VPS13B: variants seen among roughly 807,000 people sequenced by gnomAD.
The protein encoded by VPS13B is intermembrane lipid transfer protein VPS13B.
Under a neutral mutation model 426.4 loss-of-function variants are expected in VPS13B, and 285 were observed. That is an observed-to-expected ratio of 0.67 (90% confidence interval 0.61 to 0.74). VPS13B has a LOEUF of 0.74. Ranked by LOEUF, VPS13B falls within the 30% of genes least tolerant of loss-of-function variation. VPS13B has a pLI of 0.00. For missense variants in VPS13B, 4,537 were observed against 4,782.6 expected (o/e 0.95, Z 1.51); for synonymous variants, 1,676 against 1,676.4 (o/e 1.00, Z 0.01).
chr8:99,591,284 A>G (rs553172117), intron 33 of VPS13B, among the ~76,000 whole-genome samples: 2 of 149,108 alleles, frequency 1.3e-5, no homozygotes, highest in Non-Finnish European at 3.0e-5. Flanking sequence ...CAGCACATTG[A>G]CGGGTCTTGA....
At chr8:99,626,000 C>T (rs960040403) in intron 33 of VPS13B, among the ~76,000 whole-genome samples, 4 of 152,040 alleles carry the variant, frequency 2.6e-5, no homozygotes, top group African/African-American at 9.7e-5. Flanking sequence ...TAGAGGAAAC[C>T]ACATACCGTA....
chr8:99,265,417 G>A (rs1382222765), intron 17 of VPS13B, among the ~76,000 whole-genome samples: 1 of 152,050 alleles, frequency 6.6e-6, no homozygotes, highest in African/African-American at 2.4e-5. Context: ...TCCTTCTTGA[G>A]GTTTCTAAGC....
intron 39 of VPS13B, among the ~76,000 whole-genome samples, chr8:99,749,676 T>C (rs1003642059): frequency 4.6e-5 from 7 of 152,186 alleles, no homozygotes; most frequent in Non-Finnish European, 7.4e-5. Flanking sequence ...AAATCTTGGC[T>C]ATTGTAAATA....
In VPS13B at chr8:99,624,018, T is replaced by A. The variant is rs1298886806; in HGVS notation, c.5221-17793T>A. Among the ~76,000 whole-genome samples the A allele has an allele frequency of 9.5e-3, 1,328 of 139,680 alleles. 9 individuals carry two copies. The highest frequency in any genetic ancestry group is 0.013 in the Non-Finnish European group (807 of 64,318). 91.6% of individuals were successfully genotyped at this position (139,680 alleles called of 152,430 possible). A position where few individuals can be genotyped will look rare whatever the true frequency, so the allele number is the denominator to read the frequency against. ...ACATATATATATATATTTTTTTTTT[T>A]TTTTTTTTTTTTTTCTGTGTGAACC... On this transcript the variant is annotated intron_variant, in intron 33 of 61. Transcript: ENST00000357162.
intron 8 of VPS13B, chr8:99,121,706 A>G (rs1847943359): frequency 2.3e-6 from 2 of 882,330 alleles, no homozygotes; most frequent in Non-Finnish European, 3.1e-6. Flanking sequence ...TGAATCATTC[A>G]GTTGGTGTAC....
chr8:99,446,406 T>C (rs1817923555), intron 23 of VPS13B, among the ~76,000 whole-genome samples: 2 of 152,178 alleles, frequency 1.3e-5, no homozygotes, highest in Admixed American at 1.3e-4. Context: ...CTCTGGGTTC[T>C]TTAAGGATCT....
intron 41 of VPS13B, 115 bp from the exon 42 acceptor site, chr8:99,778,567 C>G (rs1811856526): frequency 1.1e-6 from 1 of 946,252 alleles, no homozygotes; most frequent in African/African-American, 1.6e-5. Flanking sequence ...TATTAAACAC[C>G]AAAAACTAAT....
At chr8:99,695,633 G>T (rs1831940119) in intron 35 of VPS13B, among the ~76,000 whole-genome samples, 1 of 144,708 alleles carries the variant, frequency 6.9e-6, no homozygotes, top group Admixed American at 6.9e-5. Context: ...CACCAGCATG[G>T]CACATGTATA....
intron 21 of VPS13B, among the ~76,000 whole-genome samples, chr8:99,430,702 A>ACCCCC (rs796824615): frequency 1.6e-5 from 2 of 124,958 alleles, no homozygotes; most frequent in African/African-American, 2.9e-5. Flanking sequence ...ATCAAAATCC[A>ACCCCC]CCCCCCCCCC....
intron 22 of VPS13B, among the ~76,000 whole-genome samples, chr8:99,441,344 G>A (rs1394896368): frequency 1.3e-5 from 2 of 152,038 alleles, no homozygotes; most frequent in Non-Finnish European, 2.9e-5. Context: ...AGGCCCAAGA[G>A]AAGAGATGTT....
At chr8:99,596,966 G>A (rs1360544201) in intron 33 of VPS13B, among the ~76,000 whole-genome samples, 1 of 151,954 alleles carries the variant, frequency 6.6e-6, no homozygotes, top group African/African-American at 2.4e-5. Flanking sequence ...AGCAGCTTTG[G>A]TTCTTCCTCA....
At chr8:99,610,117 A>C (rs1827778085) in intron 33 of VPS13B, among the ~76,000 whole-genome samples, 1 of 152,174 alleles carries the variant, frequency 6.6e-6, no homozygotes, top group Admixed American at 6.5e-5. Flanking sequence ...TGTCATTTTG[A>C]GTAGAAACAA....
intron 19 of VPS13B, among the ~76,000 whole-genome samples, chr8:99,282,104 T>C (rs1819201934): frequency 6.6e-6 from 1 of 152,170 alleles, no homozygotes. Context: ...TGGCACTATT[T>C]CCCTCTTAAT....
chr8:99,678,496 G>A (rs1831031365), intron 35 of VPS13B, among the ~76,000 whole-genome samples: 1 of 150,882 alleles, frequency 6.6e-6, no homozygotes, highest in Non-Finnish European at 1.5e-5. Context: ...ACTCTCCTCA[G>A]CCCCCAACCC....
At chr8:99,793,284 T>TATATATATATATATATATATATATAA (rs1282918685) in intron 43 of VPS13B, among the ~76,000 whole-genome samples, 2 of 142,538 alleles carry the variant, frequency 1.4e-5, no homozygotes, top group Non-Finnish European at 3.0e-5. Context: ...TATATATATA[T>TATATATATATATATATATATATATAA]AAAATACATG....
intron 36 of VPS13B, 21 bp downstream of exon 36, chr8:99,699,953 G>C (rs1163462455): frequency 1.2e-6 from 2 of 1,611,750 alleles, no homozygotes; most frequent in Non-Finnish European, 1.7e-6. Context: ...GAAAAGGGGA[G>C]GGGGGAGACA....
rs1588477870 is a variant in VPS13B, at chr8:99,541,933, G to A, written c.4746-14517G>A. 2.6e-5 allele frequency among the ~76,000 whole-genome samples: 4 copies of A among 152,232 alleles called. No homozygotes were observed. In the East Asian group the frequency reaches 7.7e-4, roughly 29 times the overall value. ...ATAGTGTTTAATCCTAGATGTAATG[G>A]AGACCTTTCTAGAACCTCCACTTGC... On this transcript the variant is annotated intron_variant, in intron 30 of 61. Transcript: ENST00000357162.
chr8:99,326,667 G>A (rs1174342589), intron 19 of VPS13B, among the ~76,000 whole-genome samples: 1 of 151,452 alleles, frequency 6.6e-6, no homozygotes, highest in Non-Finnish European at 1.5e-5. Flanking sequence ...CGAAAGTGCT[G>A]GGATTATAGA....
At chr8:99,034,056 AG>A (rs1842633032) in intron 2 of VPS13B, among the ~76,000 whole-genome samples, 1 of 152,090 alleles carries the variant, frequency 6.6e-6, no homozygotes, top group Non-Finnish European at 1.5e-5. Flanking sequence ...CATGTGTCAT[AG>A]TTGTTTGTTG....
Sources: gnomAD v4.1 joint callset for allele counts (sites outside exome capture counted in the v4.1 genomes callset) on GRCh38, gnomAD v4.1.1 for gene constraint, MANE v1.5 for transcripts, NCBI Gene and HGNC (gene_info 2026-07-23, HGNC 2026-07-21) for gene names.